Variants in ATP8B4 observed in about 807,000 individuals in gnomAD.
The protein encoded by ATP8B4 is probable phospholipid-transporting ATPase IM.
A neutral mutation model predicts 145.6 loss-of-function variants in ATP8B4; 133 were observed. The observed-to-expected ratio is 0.91, with a 90% CI of 0.79 to 1.05. The LOEUF (loss-of-function observed/expected upper bound fraction) is 1.05, where lower values mean the gene tolerates loss of function less well. ATP8B4 is among the 50% of genes least tolerant of loss of function. The pLI, the probability that ATP8B4 is intolerant of heterozygous loss-of-function variation, is 0.00. For missense variants in ATP8B4, 1,458 were observed against 1,425.2 expected (o/e 1.02, Z -0.37); for synonymous variants, 507 against 492.9 (o/e 1.03, Z -0.38).
At chr15:50,147,761 C>A (rs1052251291) in intron 1 of ATP8B4, among the ~76,000 whole-genome samples, 4 of 151,780 alleles carry the variant, frequency 2.6e-5, no homozygotes, top group East Asian at 1.9e-4. Context: ...CTATACCCAA[C>A]CTTTAAAGGA....
At chr15:50,116,956 TGA>T (rs543813714) in intron 1 of ATP8B4, among the ~76,000 whole-genome samples, 257 of 152,312 alleles carry the variant, frequency 1.7e-3, no homozygotes, top group African/African-American at 6.0e-3. Context: ...TATCTTTTCA[TGA>T]GAGATTCTAA....
intron 3 of ATP8B4, among the ~76,000 whole-genome samples, chr15:50,073,017 T>TATATATATATATATATATAC (rs2053939455): frequency 3.2e-5 from 1 of 31,642 alleles, no homozygotes; most frequent in African/African-American, 1.5e-4. Flanking sequence ...TATATATATA[T>TATATATATATATATATATAC]ATACACACAC....
chr15:50,066,003 GAA>G (rs67307430), intron 3 of ATP8B4, among the ~76,000 whole-genome samples: 27 of 106,136 alleles, frequency 2.5e-4, no homozygotes, highest in African/African-American at 6.3e-4. Context: ...TCAGAGGCCA[GAA>G]AAAAAAAAAA....
intron 5 of ATP8B4, among the ~76,000 whole-genome samples, chr15:50,042,098 T>C (rs1430767647): frequency 1.3e-5 from 2 of 150,530 alleles, no homozygotes; most frequent in East Asian, 2.0e-4. Context: ...GAAGTTGCAG[T>C]GAGCCGAGAT....
intron 1 of ATP8B4, among the ~76,000 whole-genome samples, chr15:50,126,868 C>A (rs556296483): frequency 1.3e-4 from 19 of 151,342 alleles, no homozygotes; most frequent in Admixed American, 9.8e-4. Context: ...GCCCCCACAC[C>A]CCCCCGCCAC....
chr15:49,905,043 G>A (rs1038608428), intron 20 of ATP8B4, among the ~76,000 whole-genome samples: 2 of 152,208 alleles, frequency 1.3e-5, no homozygotes, highest in Admixed American at 1.3e-4. Flanking sequence ...TGTATTCAAT[G>A]TAGTAATTTT....
At chr15:49,903,894 CA>C (rs11287026) in intron 20 of ATP8B4, among the ~76,000 whole-genome samples, 29,909 of 124,210 alleles carry the variant, frequency 0.24, 2,909 homozygotes, top group South Asian at 0.26. Flanking sequence ...AACTCCGTCT[CA>C]AAAAAAAAAA....
At chr15:49,915,738 A>G (rs2039669329) in intron 20 of ATP8B4, among the ~76,000 whole-genome samples, 1 of 152,068 alleles carries the variant, frequency 6.6e-6, no homozygotes, top group African/African-American at 2.4e-5. Flanking sequence ...TAATATTTAA[A>G]TTATATTAGT....
intron 17 of ATP8B4, among the ~76,000 whole-genome samples, chr15:49,920,988 TA>T (rs2040207826): frequency 6.6e-6 from 1 of 152,096 alleles, no homozygotes; most frequent in African/African-American, 2.4e-5. Context: ...ATTTTCATGA[TA>T]AAAAGCTAAA....
intron 20 of ATP8B4, among the ~76,000 whole-genome samples, chr15:49,913,239 A>G (rs1340262538): frequency 6.6e-6 from 1 of 152,134 alleles, no homozygotes; most frequent in East Asian, 1.9e-4. Flanking sequence ...TACGTAATAA[A>G]TATGATACAT....
chr15:50,123,713 C>T (rs1001739184), upstream of ATP8B4, among the ~76,000 whole-genome samples: 1 of 152,094 alleles, frequency 6.6e-6, no homozygotes, highest in African/African-American at 2.4e-5. Flanking sequence ...GTTGCAATTC[C>T]CCTGTCTTAA....
intron 2 of ATP8B4, among the ~76,000 whole-genome samples, chr15:50,083,824 T>C (rs1238561515): frequency 6.6e-6 from 1 of 152,230 alleles, no homozygotes; most frequent in African/African-American, 2.4e-5. Flanking sequence ...AAAATATTTA[T>C]TGAGCTCGTT....
At chr15:50,075,316 C>T (rs1600215794) in intron 2 of ATP8B4, among the ~76,000 whole-genome samples, 2 of 152,160 alleles carry the variant, frequency 1.3e-5, no homozygotes, top group African/African-American at 2.4e-5. Flanking sequence ...ATTTCAGCAC[C>T]CACCTCTTGC....
intron 16 of ATP8B4, among the ~76,000 whole-genome samples, chr15:49,926,964 T>C (rs957229663): frequency 4.6e-5 from 7 of 152,180 alleles, no homozygotes; most frequent in African/African-American, 1.7e-4. Context: ...TGAGCAACTT[T>C]TATCTAAAGA....
At chr15:49,912,086 G>T (rs1219013043) in intron 20 of ATP8B4, among the ~76,000 whole-genome samples, 2 of 151,868 alleles carry the variant, frequency 1.3e-5, no homozygotes, top group Non-Finnish European at 2.9e-5. Context: ...AAAGTAAAAA[G>T]ATTTTAAATA....
chr15:49,914,350 A>G (rs1285618251), intron 20 of ATP8B4, among the ~76,000 whole-genome samples: 1 of 152,156 alleles, frequency 6.6e-6, no homozygotes, highest in African/African-American at 2.4e-5. Context: ...AGACTTAAAT[A>G]TAATCCCCAA....
At chr15:50,018,842 G>A in intron 6 of ATP8B4, 1 of 863,648 alleles carries the variant, frequency 1.2e-6, no homozygotes, top group South Asian at 1.5e-5. Flanking sequence ...TATAATCATG[G>A]GTAAAATATC....
At chr15:50,167,332 T>C (rs1343021130) in intron 1 of ATP8B4, among the ~76,000 whole-genome samples, 3 of 152,240 alleles carry the variant, frequency 2.0e-5, no homozygotes, top group Non-Finnish European at 4.4e-5. Flanking sequence ...TGATTCCTTC[T>C]GAACACTCTG....
intron 9 of ATP8B4, among the ~76,000 whole-genome samples, chr15:49,994,754 C>T (rs868298183): frequency 6.6e-5 from 10 of 151,992 alleles, no homozygotes; most frequent in Non-Finnish European, 8.8e-5. Flanking sequence ...GCTCCTTATG[C>T]ATTATCCTGG....
Sources: gnomAD v4.1 joint callset for allele counts (sites outside exome capture counted in the v4.1 genomes callset) on GRCh38, gnomAD v4.1.1 for gene constraint, MANE v1.5 for transcripts, NCBI Gene and HGNC (gene_info 2026-07-23, HGNC 2026-07-21) for gene names.